The following GPR149 variants were observed in gnomAD, a reference collection of about 807,000 sequenced individuals.
GPR149 encodes the protein probable G protein-coupled receptor 149.
A neutral mutation model predicts 50.2 loss-of-function variants in GPR149; 50 were observed. The ratio of observed to expected loss-of-function variants is 1.00; its 90% CI spans 0.79 to 1.26. The LOEUF (loss-of-function observed/expected upper bound fraction) is 1.26, where lower values mean the gene tolerates loss of function less well. Ranked by LOEUF, GPR149 falls within the 50% of genes most tolerant of loss-of-function variation. The pLI, the probability that GPR149 is intolerant of heterozygous loss-of-function variation, is 0.00. For missense variants in GPR149, 983 were observed against 895.4 expected (o/e 1.10, Z -1.25); for synonymous variants, 405 against 358.2 (o/e 1.13, Z -1.48).
chr3:154,388,363 T>G (rs1363699949), intron 3 of GPR149, among the ~76,000 whole-genome samples: 1 of 151,954 alleles, frequency 6.6e-6, no homozygotes, highest in South Asian at 2.1e-4. Flanking sequence ...AAGTGCCAAT[T>G]TGGAATCCAA....
At chr3:154,359,503 T>C (rs1468509180) in intron 3 of GPR149, among the ~76,000 whole-genome samples, 1 of 152,172 alleles carries the variant, frequency 6.6e-6, no homozygotes, top group African/African-American at 2.4e-5. Flanking sequence ...ACTACTGGTA[T>C]TGTTGACCAA....
At chr3:154,426,270 T>G (rs1203322179) in intron 2 of GPR149, among the ~76,000 whole-genome samples, 1 of 152,162 alleles carries the variant, frequency 6.6e-6, no homozygotes, top group Non-Finnish European at 1.5e-5. Flanking sequence ...AATAAAAAAT[T>G]TTCTGGTAAT....
At chr3:154,384,745 A>G (rs1036061746) in intron 3 of GPR149, among the ~76,000 whole-genome samples, 11 of 152,244 alleles carry the variant, frequency 7.2e-5, no homozygotes, top group Non-Finnish European at 4.4e-5. Flanking sequence ...GAAGCCATCC[A>G]AAGTTCTGGG....
intron 3 of GPR149, among the ~76,000 whole-genome samples, chr3:154,361,322 T>G (rs1296358116): frequency 6.6e-6 from 1 of 152,190 alleles, no homozygotes; most frequent in Non-Finnish European, 1.5e-5. Context: ...AATGGCATAT[T>G]CAACTAGTCT....
Position 154,429,096 on chromosome 3 carries a change from C to A in GPR149, c.520G>T (p.Ala174Ser), listed in dbSNP as rs1223873342. Residue 174 changes from alanine to serine, a missense_variant, in exon 1 of 4, where the codon GCC becomes TCC. Transcript: ENST00000389740. The stretch of plus-strand genomic sequence containing the variant: ...CAGCCCCAGGGCGTGCGCACGAAGG[C>A]GCCCCAGCCGCACAGCGGGAGCGCC... The part of the protein sequence containing the change: ...LSALPLCGWG[A>S]FVRTPWGCLV... 3 of 1,613,476 alleles carry A rather than the reference C, an allele frequency of 1.9e-6. No homozygotes were observed. The highest frequency in any genetic ancestry group is 1.7e-5 in the Admixed American group (1 of 60,002).
intron 3 of GPR149, among the ~76,000 whole-genome samples, chr3:154,372,178 T>C (rs1225134956): frequency 7.7e-6 from 1 of 129,920 alleles, no homozygotes; most frequent in African/African-American, 2.7e-5. Flanking sequence ...CTGGGTCAAG[T>C]AGGGGCTCAG....
At chr3:154,409,129 A>G (rs1284234392) in intron 3 of GPR149, among the ~76,000 whole-genome samples, 2 of 152,212 alleles carry the variant, frequency 1.3e-5, no homozygotes, top group African/African-American at 4.8e-5. Flanking sequence ...AAGAGCAAAA[A>G]CAATCACTAC....
At chr3:154,386,295 C>T (rs1715043631) in intron 3 of GPR149, among the ~76,000 whole-genome samples, 1 of 152,134 alleles carries the variant, frequency 6.6e-6, no homozygotes, top group Admixed American at 6.5e-5. Flanking sequence ...GCAATTATAA[C>T]TTACACAATT....
At chr3:154,339,398 A>C (rs1713731095) in intron 3 of GPR149, among the ~76,000 whole-genome samples, 1 of 152,220 alleles carries the variant, frequency 6.6e-6, no homozygotes, top group Non-Finnish European at 1.5e-5. Context: ...CTTTTTATAT[A>C]AGTGCTTACC....
intron 3 of GPR149, among the ~76,000 whole-genome samples, chr3:154,340,929 C>T (rs925108276): frequency 1.5e-4 from 23 of 152,076 alleles, no homozygotes; most frequent in African/African-American, 5.6e-4. Context: ...ACTATGTTGG[C>T]CAGGCTGGTC....
intron 3 of GPR149, among the ~76,000 whole-genome samples, chr3:154,344,762 A>T (rs1308112557): frequency 6.6e-6 from 1 of 152,096 alleles, no homozygotes; most frequent in African/African-American, 2.4e-5. Context: ...GCAAGAAAGG[A>T]TCCTCCCCAA....
intron 3 of GPR149, chr3:154,354,394 G>C (rs1714165456): frequency 4.9e-6 from 1 of 202,146 alleles, no homozygotes; most frequent in Non-Finnish European, 9.9e-6. Flanking sequence ...TGCTTTCTAA[G>C]GCTATACAAA....
chr3:154,396,176 G>A (rs1236224927), intron 3 of GPR149, among the ~76,000 whole-genome samples: 4 of 151,984 alleles, frequency 2.6e-5, no homozygotes, highest in Admixed American at 1.3e-4. Context: ...GTTTAGTGTG[G>A]GATCAACTAA....
chr3:154,377,348 AATTATTATT>A (rs59932456), intron 3 of GPR149, among the ~76,000 whole-genome samples: 270 of 139,242 alleles, frequency 1.9e-3, no homozygotes, highest in Non-Finnish European at 2.7e-3. Flanking sequence ...TCTGCTCTGT[AATTATTATT>A]ATTATTATTA....
chr3:154,357,671 A>G (rs569848114), intron 3 of GPR149, among the ~76,000 whole-genome samples: 1 of 152,324 alleles, frequency 6.6e-6, no homozygotes, highest in African/African-American at 2.4e-5. Context: ...GAGAAATAGG[A>G]ACACTTTTAC....
intron 3 of GPR149, among the ~76,000 whole-genome samples, chr3:154,344,933 C>T (rs1193629512): frequency 1.3e-5 from 2 of 152,244 alleles, no homozygotes; most frequent in African/African-American, 2.4e-5. Flanking sequence ...GCAAACAGTA[C>T]AAAAATACAT....
At chr3:154,366,326 A>G (rs1478216326) in intron 3 of GPR149, among the ~76,000 whole-genome samples, 1 of 152,200 alleles carries the variant, frequency 6.6e-6, no homozygotes, top group African/African-American at 2.4e-5. Context: ...ACAGCATTAC[A>G]TGACAGATAG....
chr3:154,338,407 G>C, intron 3 of GPR149, 136 bp from the exon 4 acceptor site: 1 of 714,742 alleles, frequency 1.4e-6, no homozygotes, highest in African/African-American at 1.8e-5. Flanking sequence ...TTACAGATAC[G>C]GGATTTAAAT....
Position 154,337,618 on chromosome 3 carries a change from GA to G in GPR149, c.*80del. On this transcript the variant is annotated 3_prime_UTR_variant, in exon 4 of 4. Coordinates refer to ENST00000389740, the MANE Select transcript of GPR149 (RefSeq NM_001038705.3). ...ACTAATGTAAGCCAACAAATAAAAG[GA>G]AATCAGTCTCATAACAAAGGTGTTA... The G allele has an allele frequency of 9.1e-7, 1 of 1,098,000 alleles. No individual in the cohort carries two copies. The highest frequency in any genetic ancestry group is 1.3e-6 in the Non-Finnish European group (1 of 775,370). The allele number at this position is 1,098,000 out of a possible 1,614,324, so 68.0% of individuals were successfully genotyped here.
Sources: gnomAD v4.1 joint callset for allele counts (sites outside exome capture counted in the v4.1 genomes callset) on GRCh38, gnomAD v4.1.1 for gene constraint, MANE v1.5 for transcripts, NCBI Gene and HGNC (gene_info 2026-07-23, HGNC 2026-07-21) for gene names.